FOXK1: variants seen among roughly 807,000 people sequenced by gnomAD.
FOXK1 encodes the protein forkhead box K1, also known as forkhead box protein K1.
In FOXK1, 19 loss-of-function variants were observed where a neutral mutation model predicts 51.9. The observed-to-expected ratio is 0.37, with a 90% confidence interval of 0.26 to 0.54. The LOEUF is 0.54. FOXK1 is among the 20% of genes least tolerant of loss of function. The pLI is 0.87. For missense variants in FOXK1, 870 were observed against 1,032.7 expected (o/e 0.84, Z 2.16); for synonymous variants, 537 against 482.6 (o/e 1.11, Z -1.48).
chr7:4,693,406 G>A (rs1474036301), intron 1 of FOXK1, among the ~76,000 whole-genome samples: 3 of 152,162 alleles, frequency 2.0e-5, no homozygotes, highest in Non-Finnish European at 1.5e-5. Context: ...CACAGCAAAA[G>A]CATATTTTTA....
Position 4,732,369 on chromosome 7 carries a change from T to G in FOXK1, c.561-8469T>G, listed in dbSNP as rs564331980. On this transcript the variant is annotated intron_variant, in intron 1 of 8. Transcript: ENST00000328914. ...TCATTCAGTCACCATCATAGCCCAC[T>G]GCGGCCTCCGCTGCCCAGGCTCAAG... is the stretch of plus-strand genomic sequence containing the variant. 3.9e-5 allele frequency among the ~76,000 whole-genome samples: 6 copies of G among 152,326 alleles called. No homozygotes were observed. In the East Asian group the frequency reaches 1.2e-3, roughly 29 times the overall value.
chr7:4,762,566 G>T lies in FOXK1; in HGVS notation c.*102G>T, dbSNP rs1780950238. On this transcript the variant is annotated 3_prime_UTR_variant, in exon 9 of 9. Coordinates refer to ENST00000328914, the MANE Select transcript of FOXK1 (RefSeq NM_001037165.2). This position sits in a 1 kb window ranked among gnomAD's most constrained non-coding sequence, Gnocchi z 5.7. The stretch of plus-strand genomic sequence containing the variant: ...ACCCACAGACGGAGGAGAACAGCCC[G>T]CGGCGGCCTGTGGGCATCGGCGGCA... 9.6e-6 allele frequency: 12 copies of T among 1,243,928 alleles called. No individual in the cohort carries two copies. Among genetic ancestry groups the T allele is most frequent in the African/African-American group, 1.5e-5 (1 of 65,994 alleles). 77.1% of individuals were successfully genotyped at this position (1,243,928 alleles called of 1,614,324 possible).
chr7:4,688,267 A>C (rs1270323917), intron 1 of FOXK1, among the ~76,000 whole-genome samples: 1 of 56,410 alleles, frequency 1.8e-5, no homozygotes, highest in East Asian at 2.9e-4. Context: ...AAGAATTCTT[A>C]AAAAAAAAAA....
chr7:4,713,149 T>A (rs1473098996), intron 1 of FOXK1, among the ~76,000 whole-genome samples: 2 of 152,224 alleles, frequency 1.3e-5, no homozygotes, highest in Non-Finnish European at 1.5e-5. Flanking sequence ...CCCTATTAAT[T>A]TGCTAGTTAC....
chr7:4,693,672 G>A (rs1160165909), intron 1 of FOXK1, among the ~76,000 whole-genome samples: 1 of 152,080 alleles, frequency 6.6e-6, no homozygotes, highest in African/African-American at 2.4e-5. Flanking sequence ...GATGGGGGAG[G>A]TGGGACAGGG....
In FOXK1 at chr7:4,738,596, T is replaced by C. The variant is rs193164814; in HGVS notation, c.561-2242T>C. The stretch of plus-strand genomic sequence containing the variant: ...GACAGAATTGTGGAGTATTTTCAAA[T>C]AGCCTTGGGATGCCCTTCTAAACCT... On this transcript the variant is annotated intron_variant, in intron 1 of 8. Coordinates refer to ENST00000328914, the MANE Select transcript of FOXK1 (RefSeq NM_001037165.2). 2.2e-3 allele frequency among the ~76,000 whole-genome samples: 342 copies of C among 152,296 alleles called. 2 individuals are homozygous for C. Among genetic ancestry groups the C allele is most frequent in the Middle Eastern group, 3.4e-3 (1 of 294 alleles).
At chr7:4,710,361 G>C (rs1001848284) in intron 1 of FOXK1, among the ~76,000 whole-genome samples, 1 of 152,150 alleles carries the variant, frequency 6.6e-6, no homozygotes, top group East Asian at 1.9e-4. Context: ...GATCACCTGA[G>C]GTCAGGAGTT....
chr7:4,695,674 C>A (rs1029487174), intron 1 of FOXK1, among the ~76,000 whole-genome samples: 3 of 151,740 alleles, frequency 2.0e-5, no homozygotes, highest in Non-Finnish European at 4.4e-5. Context: ...TGGTGGCTCA[C>A]GCCTGTAATC....
In FOXK1 at chr7:4,763,202, C is replaced by G. The variant is rs1780961369; in HGVS notation, c.*738C>G. On this transcript the variant is annotated 3_prime_UTR_variant, in exon 9 of 9. Coordinates refer to ENST00000328914, the MANE Select transcript of FOXK1 (RefSeq NM_001037165.2). ...CCCCTCGAAGAGTAAACCTGCCGCTCTGTCTGATAACTTCAAGTAAGAGCA... is the reference window on the plus strand; with the variant it reads ...CCCCTCGAAGAGTAAACCTGCCGCTGTGTCTGATAACTTCAAGTAAGAGCA... 1 of 152,232 alleles carries G rather than the reference C, an allele frequency of 6.6e-6. No homozygotes were observed. Among genetic ancestry groups the G allele is most frequent in the African/African-American group, 2.4e-5 (1 of 41,456 alleles). The allele number at this position is 152,232 out of a possible 1,614,324, so 9.4% of individuals were successfully genotyped here.
intron 6 of FOXK1, 21 bp downstream of exon 6, chr7:4,759,238 T>C: frequency 6.2e-7 from 1 of 1,610,742 alleles, no homozygotes; most frequent in Non-Finnish European, 8.5e-7. Context: ...GGCGGCCCTC[T>C]TGCGGGGCGG....
In FOXK1 at chr7:4,767,888, G is replaced by A. The variant is rs2115083261; in HGVS notation, c.*5424G>A. ...CGCGGCCCCTCGCAGGGTGGCGAGT[G>A]GGGTCCGTGCCTCGAGAAGGGGGCC... On this transcript the variant is annotated 3_prime_UTR_variant, in exon 9 of 9. Coordinates refer to ENST00000328914, the MANE Select transcript of FOXK1 (RefSeq NM_001037165.2). This position sits in a 1 kb window ranked among gnomAD's most constrained non-coding sequence, Gnocchi z 6.6. 6.6e-6 allele frequency: 1 copy of A among 152,174 alleles called. No individual in the cohort carries two copies. Among genetic ancestry groups the A allele is most frequent in the African/African-American group, 2.4e-5 (1 of 41,504 alleles). The allele number at this position is 152,174 out of a possible 1,614,324, so 9.4% of individuals were successfully genotyped here.
chr7:4,748,997 G>C lies in FOXK1; in HGVS notation c.747-5462G>C, dbSNP rs878940799. Among the ~76,000 whole-genome samples, 2 of 152,168 alleles carry C rather than the reference G, an allele frequency of 1.3e-5. No individual in the cohort carries two copies. Among genetic ancestry groups the C allele is most frequent in the East Asian group, 1.9e-4 (1 of 5,190 alleles). On this transcript the variant is annotated intron_variant, in intron 2 of 8. Transcript: ENST00000328914. The surrounding 1 kb of genome is among the most constrained non-coding windows in gnomAD (Gnocchi z 4.9). ...CCTGGACCCCCAGGTTCCTGTCCACGCTTCTGGGACTGGCTGTGCCTGGCG... is the reference window on the plus strand; with the variant it reads ...CCTGGACCCCCAGGTTCCTGTCCACCCTTCTGGGACTGGCTGTGCCTGGCG...
At chr7:4,708,986 A>G (rs1291065025) in intron 1 of FOXK1, among the ~76,000 whole-genome samples, 1 of 151,398 alleles carries the variant, frequency 6.6e-6, no homozygotes. Flanking sequence ...AATTGCCTGA[A>G]TCCGAGAGGT....
Position 4,762,200 on chromosome 7 carries a change from G to A in FOXK1, c.1938G>A (p.Leu646=). The change falls in exon 9 of 9, where the codon TTG becomes TTA. Residue 646 remains leucine (L), a synonymous_variant. Transcript: ENST00000328914. The surrounding 1 kb of genome is among the most constrained non-coding windows in gnomAD (Gnocchi z 5.7). ...CCACTCCAGCCCTCACCAGCCCTTT[G>A]CAGCTCCTTGCGACCCAAGCGAGTT... is the stretch of plus-strand genomic sequence containing the variant. ...AGNAYALTSP[L]QLLATQASSS... The A allele has an allele frequency of 6.4e-7, 1 of 1,553,646 alleles. No individual in the cohort carries two copies. The highest frequency in any genetic ancestry group is 8.7e-7 in the Non-Finnish European group (1 of 1,147,374).
chr7:4,733,839 C>T lies in FOXK1; in HGVS notation c.561-6999C>T, dbSNP rs956644012. Among the ~76,000 whole-genome samples the T allele has an allele frequency of 2.0e-5, 3 of 152,100 alleles. No homozygotes were observed. Among genetic ancestry groups the T allele is most frequent in the Admixed American group, 1.3e-4 (2 of 15,280 alleles). On this transcript the variant is annotated intron_variant, in intron 1 of 8. Transcript: ENST00000328914. This position sits in a 1 kb window ranked among gnomAD's most constrained non-coding sequence, Gnocchi z 5.0. ...GCTGGGTGGGACGGTGGGAGCCTTTCCCTGGTCTTTAGTCCGGCTGACATC... is the reference window on the plus strand; with the variant it reads ...GCTGGGTGGGACGGTGGGAGCCTTTTCCTGGTCTTTAGTCCGGCTGACATC...
chr7:4,682,960 T>G lies in FOXK1; in HGVS notation c.560+92T>G. 2 of 1,271,086 alleles carry G rather than the reference T, an allele frequency of 1.6e-6. No homozygotes were observed. Among genetic ancestry groups the G allele is most frequent in the Non-Finnish European group, 2.1e-6 (2 of 968,612 alleles). The allele number at this position is 1,271,086 out of a possible 1,614,324, so 78.7% of individuals were successfully genotyped here. On this transcript the variant is annotated intron_variant, in intron 1 of 8. Transcript: ENST00000328914. The surrounding 1 kb of genome is among the most constrained non-coding windows in gnomAD (Gnocchi z 7.6). The stretch of plus-strand genomic sequence containing the variant: ...CGGGCCTGGGGATCCCCCTCCAGCT[T>G]CCTCGGCCTCGACCCCCACCCCCCG...
chr7:4,742,984 C>T (rs75606361), intron 2 of FOXK1, among the ~76,000 whole-genome samples: 6,193 of 152,244 alleles, frequency 0.041, 171 homozygotes, highest in Admixed American at 0.084. Context: ...GGGCTCAGGC[C>T]GGGCATGGTC....
intron 1 of FOXK1, among the ~76,000 whole-genome samples, chr7:4,689,056 A>C (rs1463571114): frequency 1.3e-5 from 2 of 150,726 alleles, no homozygotes; most frequent in Non-Finnish European, 3.0e-5. Context: ...GGCTCATTGC[A>C]ACCCCCTGCC....
chr7:4,729,128 C>T lies in FOXK1; in HGVS notation c.561-11710C>T, dbSNP rs1780417816. Among the ~76,000 whole-genome samples, 1 of 152,230 alleles carries T rather than the reference C, an allele frequency of 6.6e-6. No individual in the cohort carries two copies. Among genetic ancestry groups the T allele is most frequent in the African/African-American group, 2.4e-5 (1 of 41,456 alleles). On this transcript the variant is annotated intron_variant, in intron 1 of 8. Transcript: ENST00000328914. The surrounding 1 kb of genome is among the most constrained non-coding windows in gnomAD (Gnocchi z 6.2). ...TGTCCGCTGTCTTAAAGAGCCTAGTCCATCTTTACGCGGTCTTTTTACGTC... is the reference window on the plus strand; with the variant it reads ...TGTCCGCTGTCTTAAAGAGCCTAGTTCATCTTTACGCGGTCTTTTTACGTC...
Sources: gnomAD v4.1 joint callset for allele counts (sites outside exome capture counted in the v4.1 genomes callset) on GRCh38, gnomAD v4.1.1 for gene constraint, Gnocchi (gnomAD v3.1) non-coding constraint, MANE v1.5 for transcripts, NCBI Gene and HGNC (gene_info 2026-07-23, HGNC 2026-07-21) for gene names.